NCAM2: variants seen among roughly 807,000 people sequenced by gnomAD.
The protein encoded by NCAM2 is neural cell adhesion molecule 2.
In NCAM2, 30 loss-of-function variants were observed where a neutral mutation model predicts 98.1. That is an observed-to-expected ratio of 0.31 (90% confidence interval 0.23 to 0.41). The LOEUF (loss-of-function observed/expected upper bound fraction) is 0.41, where lower values mean the gene tolerates loss of function less well. NCAM2 is among the 10% of genes least tolerant of loss of function. NCAM2 has a pLI of 1.00. For missense variants in NCAM2, 867 were observed against 1,005.8 expected, an observed-to-expected ratio of 0.86 and a Z score of 1.87; for synonymous variants, 368 against 342.4, an observed-to-expected ratio of 1.07 and a Z score of -0.83.
At chr21:21,070,556 A>G (rs1318577028) in intron 1 of NCAM2, among the ~76,000 whole-genome samples, 1 of 152,084 alleles carries the variant, frequency 6.6e-6, no homozygotes, top group East Asian at 1.9e-4. Context: ...GTATTTATTT[A>G]AAGTGAGTAG....
At chr21:21,030,259 A>T (rs554607475) in intron 1 of NCAM2, among the ~76,000 whole-genome samples, 1 of 152,200 alleles carries the variant, frequency 6.6e-6, no homozygotes, top group Non-Finnish European at 1.5e-5. Flanking sequence ...GATGAAAGCA[A>T]TTCTCAGAAA....
intron 9 of NCAM2, among the ~76,000 whole-genome samples, chr21:21,386,171 G>A (rs232430): frequency 0.38 from 57,475 of 151,852 alleles, 11,199 homozygotes; most frequent in East Asian, 0.58. Context: ...AACAGTGGAT[G>A]TACATTCTCT....
At chr21:21,092,759 G>C (rs921142958) in intron 1 of NCAM2, among the ~76,000 whole-genome samples, 4 of 151,990 alleles carry the variant, frequency 2.6e-5, no homozygotes, top group African/African-American at 9.6e-5. Context: ...ACATACCGTA[G>C]ACGTGTTTCA....
At chr21:21,321,742 T>C (rs1044113645) in intron 5 of NCAM2, among the ~76,000 whole-genome samples, 4 of 152,042 alleles carry the variant, frequency 2.6e-5, no homozygotes, top group Non-Finnish European at 5.9e-5. Context: ...CTCAGAGAAA[T>C]GTAAATCAAA....
chr21:21,310,572 A>G (rs1294052764), intron 5 of NCAM2, among the ~76,000 whole-genome samples: 2 of 152,212 alleles, frequency 1.3e-5, no homozygotes, highest in Non-Finnish European at 2.9e-5. Flanking sequence ...CTCCAGGAGG[A>G]TGGGCTGTTT....
At chr21:21,411,013 A>AT (rs1555889798) in intron 10 of NCAM2, among the ~76,000 whole-genome samples, 11 of 67,586 alleles carry the variant, frequency 1.6e-4, no homozygotes, top group Admixed American at 5.6e-4. Context: ...CTTAAAAAAA[A>AT]AAATATATAT....
At chr21:21,250,969 G>A (rs1308056106) in intron 1 of NCAM2, among the ~76,000 whole-genome samples, 13 of 152,192 alleles carry the variant, frequency 8.5e-5, no homozygotes, top group East Asian at 3.9e-4. Context: ...GAGATTATAT[G>A]TCCTCCACTA....
chr21:21,190,879 T>C (rs1250054328), intron 1 of NCAM2, among the ~76,000 whole-genome samples: 4 of 152,186 alleles, frequency 2.6e-5, no homozygotes, highest in Non-Finnish European at 5.9e-5. Context: ...GTAGCATATG[T>C]AAAGCATATG....
At chr21:21,321,677 A>G (rs1335201800) in intron 5 of NCAM2, among the ~76,000 whole-genome samples, 1 of 152,178 alleles carries the variant, frequency 6.6e-6, no homozygotes, top group East Asian at 1.9e-4. Context: ...ATAAGGAGTC[A>G]ACATTTTGTT....
intron 8 of NCAM2, among the ~76,000 whole-genome samples, chr21:21,348,043 G>T (rs1306585312): frequency 6.6e-6 from 1 of 152,036 alleles, no homozygotes; most frequent in African/African-American, 2.4e-5. Flanking sequence ...TTTCCTCTAA[G>T]ATCTGGAACA....
intron 5 of NCAM2, among the ~76,000 whole-genome samples, chr21:21,305,632 T>G (rs1164499500): frequency 6.6e-6 from 1 of 152,142 alleles, no homozygotes; most frequent in Non-Finnish European, 1.5e-5. Context: ...TTTCTCTGTC[T>G]GCCTCCTTTC....
intron 16 of NCAM2, among the ~76,000 whole-genome samples, chr21:21,531,821 A>C (rs1342007348): frequency 1.5e-5 from 2 of 130,688 alleles, no homozygotes; most frequent in African/African-American, 3.0e-5. Context: ...TCTACTAAAA[A>C]ATACCAAAAA....
chr21:21,493,606 T>G (rs1448475691), intron 15 of NCAM2, among the ~76,000 whole-genome samples: 1 of 151,902 alleles, frequency 6.6e-6, no homozygotes, highest in Non-Finnish European at 1.5e-5. Context: ...GTTGTACATT[T>G]TATGGATTTG....
At chr21:21,363,794 C>T (rs554620643) in intron 8 of NCAM2, among the ~76,000 whole-genome samples, 1 of 151,964 alleles carries the variant, frequency 6.6e-6, no homozygotes, top group African/African-American at 2.4e-5. Context: ...TATATTTTAT[C>T]CCACACTGGG....
intron 9 of NCAM2, among the ~76,000 whole-genome samples, chr21:21,408,577 A>G (rs954826500): frequency 1.1e-4 from 16 of 152,080 alleles, no homozygotes; most frequent in Admixed American, 2.6e-4. Flanking sequence ...AAATGTTTCA[A>G]ACCCTGAAAA....
intron 1 of NCAM2, among the ~76,000 whole-genome samples, chr21:21,208,720 A>G (rs2069534143): frequency 6.6e-6 from 1 of 152,166 alleles, no homozygotes. Context: ...TTCTTCCTGT[A>G]CCTGCTTAGC....
intron 1 of NCAM2, among the ~76,000 whole-genome samples, chr21:21,162,531 T>C (rs999325319): frequency 3.3e-5 from 5 of 152,078 alleles, no homozygotes; most frequent in Non-Finnish European, 7.4e-5. Context: ...TGTGGGCTGT[T>C]AAGAGAATGG....
At chr21:21,277,378 C>A (rs2072766370) in intron 1 of NCAM2, among the ~76,000 whole-genome samples, 1 of 151,998 alleles carries the variant, frequency 6.6e-6, no homozygotes, top group Non-Finnish European at 1.5e-5. Context: ...ATGGAAATTC[C>A]TACTGATCAA....
chr21:21,215,484 C>T lies in NCAM2; in HGVS notation c.56-65094C>T, dbSNP rs562248696. Among the ~76,000 whole-genome samples the T allele has an allele frequency of 9.2e-5, 14 of 152,072 alleles. 1 individual carries two copies. The South Asian group carries it at 2.1e-3, about 23-fold the overall frequency. On this transcript the variant is annotated intron_variant, in intron 1 of 17. Coordinates refer to ENST00000400546, the MANE Select transcript of NCAM2 (RefSeq NM_004540.5). ...CCTGTAATCCCAGCACTTTGGAGGC[C>T]GAGGTGGGCAAATCTCTTGAGGTCA...
Sources: allele counts gnomAD v4.1 joint callset (sites outside exome capture counted in the v4.1 genomes callset), GRCh38; gene constraint gnomAD v4.1.1; transcripts MANE v1.5; gene names NCBI Gene and HGNC (gene_info 2026-07-23, HGNC 2026-07-21).